Variants in BTBD1 observed in about 807,000 individuals in gnomAD.
BTBD1 encodes BTB domain containing 1, also known as BTB/POZ domain-containing protein 1.
A neutral mutation model predicts 48.0 loss-of-function variants in BTBD1; 34 were observed. That is an observed-to-expected ratio of 0.71 (90% CI 0.54 to 0.94). BTBD1 has a LOEUF of 0.94. Ranked by LOEUF, BTBD1 falls within the 40% of genes least tolerant of loss-of-function variation. BTBD1 has a pLI of 0.00. For synonymous variants in BTBD1, 261 were observed against 242.1 expected (o/e 1.08, Z -0.72); for missense variants, 543 against 625.6 (o/e 0.87, Z 1.41).
In BTBD1 at chr15:83,020,775, A is replaced by T. The variant is rs556664103; in HGVS notation, c.1056-13T>A. 6.6e-7 allele frequency: 1 copy of T among 1,508,316 alleles called. No individual in the cohort carries two copies. Among genetic ancestry groups the T allele is most frequent in the East Asian group, 2.3e-5 (1 of 44,248 alleles). The allele number at this position is 1,508,316 out of a possible 1,614,324, so 93.4% of individuals were successfully genotyped here. A position where few individuals can be genotyped will look rare whatever the true frequency, so the allele number is the denominator to read the frequency against. On this transcript the variant is annotated splice_polypyrimidine_tract_variant and intron_variant, in intron 5 of 7. Coordinates refer to ENST00000261721, the MANE Select transcript of BTBD1 (RefSeq NM_025238.4). ...ATTAACTGTGAATCTGAGAGAAAGA[A>T]GCCAAAAATAAAATATAATTAATCC...
chr15:83,045,522 A>C (rs28485801), intron 3 of BTBD1, among the ~76,000 whole-genome samples: 30,133 of 152,006 alleles, frequency 0.2, 3,176 homozygotes, highest in Middle Eastern at 0.33. Flanking sequence ...AACAAACAAA[A>C]AAAAACTTTT....
rs149790136 is a variant in BTBD1 at position 83,033,129 on chromosome 15, G to A, written c.863-2801C>T. Among the ~76,000 whole-genome samples, 300 of 152,118 alleles carry A rather than the reference G, an allele frequency of 2.0e-3. 2 individuals carry two copies. The highest frequency in any genetic ancestry group is 5.6e-3 in the Admixed American group (85 of 15,272). On this transcript the variant is annotated intron_variant, in intron 4 of 7. Coordinates refer to ENST00000261721, the MANE Select transcript of BTBD1 (RefSeq NM_025238.4). Reference sequence around the variant, plus strand: ...AGTCCCAGCTACTCAGGAGGCTGGGGTGGGAGGATTGTTTGAGGCCAGAAT... The same window carrying A: ...AGTCCCAGCTACTCAGGAGGCTGGGATGGGAGGATTGTTTGAGGCCAGAAT...
At chr15:83,064,104 G>T (rs190427708) in intron 1 of BTBD1, among the ~76,000 whole-genome samples, 3 of 152,296 alleles carry the variant, frequency 2.0e-5, no homozygotes, top group African/African-American at 7.2e-5. Flanking sequence ...GTTTCTTTAA[G>T]GGCTTCAAAC....
intron 3 of BTBD1, among the ~76,000 whole-genome samples, chr15:83,042,146 T>C (rs2032773275): frequency 6.6e-6 from 1 of 151,850 alleles, no homozygotes; most frequent in African/African-American, 2.4e-5. Context: ...TTACTTACCA[T>C]ACATGCAATA....
At chr15:83,046,113 G>A (rs1289315283) in intron 3 of BTBD1, among the ~76,000 whole-genome samples, 1 of 151,798 alleles carries the variant, frequency 6.6e-6, no homozygotes, top group Admixed American at 6.6e-5. Context: ...CCAATTTTTG[G>A]GGCTAGGCAT....
intron 4 of BTBD1, among the ~76,000 whole-genome samples, chr15:83,036,824 A>G (rs1329019829): frequency 1.3e-5 from 2 of 152,166 alleles, no homozygotes; most frequent in African/African-American, 4.8e-5. Context: ...AATACACACC[A>G]TATATATGAT....
Position 83,016,534 on chromosome 15 carries a change from T to G in BTBD1, c.*1533A>C, listed in dbSNP as rs2032168411. ...TTTTATGGCTGCATGCAGTTTCAATTGTTCAGTACAACAGATGAGGCATTT... is the reference window on the plus strand; with the variant it reads ...TTTTATGGCTGCATGCAGTTTCAATGGTTCAGTACAACAGATGAGGCATTT... On this transcript the variant is annotated 3_prime_UTR_variant, in exon 8 of 8. Coordinates refer to ENST00000261721, the MANE Select transcript of BTBD1 (RefSeq NM_025238.4). The G allele has an allele frequency of 6.6e-6, 1 of 150,880 alleles. No homozygotes were observed. The highest frequency in any genetic ancestry group is 2.4e-5 in the African/African-American group (1 of 41,140). 9.3% of individuals were successfully genotyped at this position (150,880 alleles called of 1,614,324 possible). A position where few individuals can be genotyped will look rare whatever the true frequency, so the allele number is the denominator to read the frequency against.
intron 5 of BTBD1, chr15:83,028,839 G>A (rs1319171030): frequency 6.6e-6 from 1 of 152,106 alleles, no homozygotes; most frequent in Non-Finnish European, 1.5e-5. Flanking sequence ...GCTTCTAAAT[G>A]TGAATGTTTA....
At chr15:83,023,936 C>T (rs890483510) in intron 5 of BTBD1, among the ~76,000 whole-genome samples, 5 of 152,086 alleles carry the variant, frequency 3.3e-5, no homozygotes, top group Non-Finnish European at 7.4e-5. Context: ...GGCACGATCT[C>T]GGCTCATTGC....
chr15:83,021,135 T>C (rs2032285833), intron 5 of BTBD1, among the ~76,000 whole-genome samples: 1 of 152,332 alleles, frequency 6.6e-6, no homozygotes, highest in East Asian at 1.9e-4. Context: ...AACAAATACT[T>C]ACTAAGGGCT....
intron 5 of BTBD1, chr15:83,022,216 ATT>A (rs536263928): frequency 4.4e-4 from 58 of 131,726 alleles, no homozygotes; most frequent in Admixed American, 5.4e-4. Context: ...TGCTAGTTTA[ATT>A]TTTTTTTTTT....
At position 83,027,667 on chromosome 15, in the gene BTBD1, G is replaced by A. The variant is rs539346603; in HGVS notation, c.1055+2469C>T. Among the ~76,000 whole-genome samples, 5 of 152,284 alleles carry A rather than the reference G, an allele frequency of 3.3e-5. No homozygotes were observed. In the South Asian group the frequency reaches 8.3e-4, roughly 25 times the overall value. ...CTGAAAACGATTAAGAAAGTGCCCC[G>A]AATATTGACTTTACAGGTTACAGAT... On this transcript the variant is annotated intron_variant, in intron 5 of 7. Transcript: ENST00000261721.
At chr15:83,030,684 A>G (rs2032499480) in intron 4 of BTBD1, 1 of 167,832 alleles carries the variant, frequency 6.0e-6, no homozygotes, top group Non-Finnish European at 1.3e-5. Flanking sequence ...CATCAAAAAA[A>G]CTCTTCAAGA....
chr15:83,057,965 T>G (rs980916824), intron 1 of BTBD1, among the ~76,000 whole-genome samples: 8 of 152,210 alleles, frequency 5.3e-5, no homozygotes, highest in African/African-American at 1.9e-4. Flanking sequence ...TCAAAGCCAT[T>G]GGAAGAGAGC....
chr15:83,026,941 T>C (rs547827627), intron 5 of BTBD1, among the ~76,000 whole-genome samples: 1 of 152,240 alleles, frequency 6.6e-6, no homozygotes, highest in African/African-American at 2.4e-5. Context: ...AATTAGCAAA[T>C]ACTAAACCAC....
intron 3 of BTBD1, among the ~76,000 whole-genome samples, chr15:83,047,587 T>C (rs2151309181): frequency 6.6e-6 from 1 of 152,280 alleles, no homozygotes; most frequent in African/African-American, 2.4e-5. Flanking sequence ...ACAGCCAAAA[T>C]GTAGGTGCTA....
At chr15:83,046,241 A>C (rs926124962) in intron 3 of BTBD1, among the ~76,000 whole-genome samples, 6 of 152,168 alleles carry the variant, frequency 3.9e-5, no homozygotes, top group South Asian at 4.1e-4. Context: ...ACCAAAAAAA[A>C]CAAAAATAAT....
At chr15:83,061,245 T>A (rs938340113) in intron 1 of BTBD1, among the ~76,000 whole-genome samples, 2 of 152,160 alleles carry the variant, frequency 1.3e-5, no homozygotes, top group African/African-American at 4.8e-5. Context: ...GTATTGTGTA[T>A]CTAAACATGG....
chr15:83,025,207 A>G (rs143243297), intron 5 of BTBD1, among the ~76,000 whole-genome samples: 309 of 151,978 alleles, frequency 2.0e-3, no homozygotes, highest in Non-Finnish European at 3.0e-3. Context: ...TACAAAAACT[A>G]GCCAGGCATG....
Sources: gnomAD v4.1 joint callset for allele counts (sites outside exome capture counted in the v4.1 genomes callset) on GRCh38, gnomAD v4.1.1 for gene constraint, MANE v1.5 for transcripts, NCBI Gene and HGNC (gene_info 2026-07-23, HGNC 2026-07-21) for gene names.